Variants in CATSPERD observed in about 807,000 individuals in gnomAD.
CATSPERD encodes catsper channel auxiliary subunit delta, also known as cation channel sperm-associated auxiliary subunit delta.
CATSPERD carries 86 observed loss-of-function variants against 98.1 expected under a neutral mutation model. The ratio of observed to expected loss-of-function variants is 0.88; its 90% CI spans 0.74 to 1.05. The LOEUF is 1.05. Among genes scored for constraint, CATSPERD ranks in the 50% least tolerant of loss-of-function variants. CATSPERD has a pLI of 0.00. For missense variants in CATSPERD, 995 were observed against 1,005.7 expected (o/e 0.99, Z 0.14); for synonymous variants, 394 against 390.2 (o/e 1.01, Z -0.12).
At chr19:5,741,799 T>A (rs58406958) in intron 7 of CATSPERD, among the ~76,000 whole-genome samples, 1 of 15,472 alleles carries the variant, frequency 6.5e-5, no homozygotes, top group Non-Finnish European at 1.8e-4. Flanking sequence ...GGGGGGGGGG[T>A]GGTGTGGATC....
chr19:5,778,237 G>A (rs1017464104), intron 21 of CATSPERD, 139 bp from the exon 22 acceptor site: 48 of 647,972 alleles, frequency 7.4e-5, no homozygotes, highest in Non-Finnish European at 5.9e-5. Flanking sequence ...CATAGTGGAT[G>A]GAAACAGAAG....
At chr19:5,748,594 A>G (rs1316534099) in intron 10 of CATSPERD, among the ~76,000 whole-genome samples, 1 of 133,370 alleles carries the variant, frequency 7.5e-6, no homozygotes, top group Non-Finnish European at 1.5e-5. Context: ...GCACCATGGC[A>G]CTCCAGCCTG....
chr19:5,748,545 C>G (rs2056140161), intron 10 of CATSPERD, among the ~76,000 whole-genome samples: 1 of 147,718 alleles, frequency 6.8e-6, no homozygotes, highest in African/African-American at 2.5e-5. Context: ...GCAGGAGAAT[C>G]GCTGGAACCC....
rs1200443946 is a variant in CATSPERD at position 5,758,057 on chromosome 19, G to A, written c.1368+125G>A. ...ATAGCCCGTGGCCGTGCCCCGCGGT[G>A]GGAAGATGATCAGGCAGCCGTCAAC... On this transcript the variant is annotated intron_variant, in intron 14 of 21. Transcript: ENST00000381624. The A allele has an allele frequency of 1.8e-5, 13 of 707,960 alleles. No individual in the cohort carries two copies. The East Asian group carries it at 4.0e-4, about 22-fold the overall frequency. 43.9% of individuals were successfully genotyped at this position (707,960 alleles called of 1,614,324 possible).
In CATSPERD at chr19:5,751,642, C is replaced by T; in HGVS notation, c.988-5C>T. ...ATTAGATCTCAGGAATCATTTTCTT[C>T]TTAGTTTGCAGACCAATACATCTGG... On this transcript the variant is annotated splice_polypyrimidine_tract_variant and splice_region_variant and intron_variant, in intron 11 of 21. Transcript: ENST00000381624. 1 of 1,438,380 alleles carries T rather than the reference C, an allele frequency of 7.0e-7. No homozygotes were observed. The highest frequency in any genetic ancestry group is 1.3e-5 in the South Asian group (1 of 75,374). 89.1% of individuals were successfully genotyped at this position (1,438,380 alleles called of 1,614,324 possible). A position where few individuals can be genotyped will look rare whatever the true frequency, so the allele number is the denominator to read the frequency against.
chr19:5,752,039 G>A (rs558456140), intron 12 of CATSPERD, among the ~76,000 whole-genome samples: 2 of 151,978 alleles, frequency 1.3e-5, no homozygotes, highest in Admixed American at 6.6e-5. Context: ...GGCCAGGTAC[G>A]GTGGGAGACT....
intron 5 of CATSPERD, 124 bp downstream of exon 5, chr19:5,734,094 C>T (rs933167213): frequency 4.9e-6 from 3 of 612,610 alleles, no homozygotes; most frequent in Admixed American, 6.9e-5. Context: ...TTACTTTGTC[C>T]TTTCCAACCA....
At chr19:5,746,769 C>T (rs904449406) in intron 9 of CATSPERD, among the ~76,000 whole-genome samples, 6 of 151,620 alleles carry the variant, frequency 4.0e-5, no homozygotes, top group African/African-American at 1.5e-4. Context: ...TGGTTGTATT[C>T]CTGGGAGACT....
At chr19:5,733,016 T>G (rs1304785281) in intron 4 of CATSPERD, among the ~76,000 whole-genome samples, 3 of 151,454 alleles carry the variant, frequency 2.0e-5, no homozygotes, top group Non-Finnish European at 2.9e-5. Flanking sequence ...TCTTTTTTTT[T>G]TCAAGACGGA....
chr19:5,749,951 A>C lies in CATSPERD; in HGVS notation c.987+768A>C, dbSNP rs956669662. On this transcript the variant is annotated intron_variant, in intron 11 of 21. Coordinates refer to ENST00000381624, the MANE Select transcript of CATSPERD (RefSeq NM_152784.4). ...CCCGAGTAGCTGGGATTACAGGCGC[A>C]TGCCACCACACCAGGCTAAGTTTTG... 5.3e-5 allele frequency among the ~76,000 whole-genome samples: 8 copies of C among 150,922 alleles called. No homozygotes were observed. The East Asian group carries it at 1.2e-3, about 23-fold the overall frequency.
In CATSPERD at chr19:5,745,931, G is replaced by C. The variant is rs2056084125; in HGVS notation, c.676G>C (p.Asp226His). 6.2e-7 allele frequency: 1 copy of C among 1,613,982 alleles called. No homozygotes were observed. The highest frequency in any genetic ancestry group is 1.3e-5 in the African/African-American group (1 of 74,916). The change falls in exon 9 of 22, where the codon GAT becomes CAT. Residue 226 changes from aspartate (D) to histidine (H), a missense_variant. Asp to His is a moderately conservative substitution (Grantham distance 81, BLOSUM62 -1). Around this residue, in one of 3 missense-constraint regions of CATSPERD, gnomAD observed 762 missense variants for 773.7 expected, o/e 0.98. Transcript: ENST00000381624. ...CTCCCAGGGCATGTTCAAGTACTCA[G>C]ATCACCCCCTCAACCGGAGTTTCGG... ...NQGKGMFKYS[D>H]HPLNRSFGLS...
intron 4 of CATSPERD, among the ~76,000 whole-genome samples, chr19:5,731,217 C>T (rs149452241): frequency 2.6e-5 from 4 of 152,044 alleles, no homozygotes; most frequent in South Asian, 2.1e-4. Flanking sequence ...TGGTGGTTCA[C>T]GCCTGTAACC....
chr19:5,722,338 G>A (rs1224500315), intron 1 of CATSPERD, among the ~76,000 whole-genome samples: 1 of 152,026 alleles, frequency 6.6e-6, no homozygotes, highest in Non-Finnish European at 1.5e-5. Flanking sequence ...GCCCAGGTTG[G>A]TCTCGAACTC....
chr19:5,755,502 G>T (rs1388426431), intron 13 of CATSPERD, among the ~76,000 whole-genome samples: 2 of 152,130 alleles, frequency 1.3e-5, no homozygotes, highest in Non-Finnish European at 2.9e-5. Flanking sequence ...GGGCGCGGTG[G>T]CTCCCGCCCG....
At chr19:5,741,793 G>GGGGGGGGGGGGGGGGGGGGGGA (rs2055973509) in intron 7 of CATSPERD, among the ~76,000 whole-genome samples, 1 of 96,054 alleles carries the variant, frequency 1.0e-5, no homozygotes, top group Non-Finnish European at 2.4e-5. Flanking sequence ...GGCGGGGGGG[G>GGGGGGGGGGGGGGGGGGGGGGA]GGGGGTGGTG....
intron 7 of CATSPERD, among the ~76,000 whole-genome samples, chr19:5,743,705 T>TCTGTCC (rs2056041724): frequency 7.0e-6 from 1 of 142,184 alleles, no homozygotes; most frequent in African/African-American, 2.6e-5. Context: ...TCTCTCTCTC[T>TCTGTCC]CTGTCTCTGT....
intron 13 of CATSPERD, among the ~76,000 whole-genome samples, chr19:5,756,212 T>C (rs1205657274): frequency 9.9e-5 from 15 of 150,990 alleles, no homozygotes; most frequent in Admixed American, 7.3e-4. Flanking sequence ...ATCTGGGAGG[T>C]GGAGGTTGCA....
intron 7 of CATSPERD, among the ~76,000 whole-genome samples, chr19:5,743,392 G>GT (rs1472088023): frequency 6.6e-6 from 1 of 152,032 alleles, no homozygotes; most frequent in Non-Finnish European, 1.5e-5. Flanking sequence ...GAGGTCAGGA[G>GT]TTTGAGACCA....
At chr19:5,768,925 A>G (rs2056594545) in intron 18 of CATSPERD, among the ~76,000 whole-genome samples, 1 of 151,894 alleles carries the variant, frequency 6.6e-6, no homozygotes, top group South Asian at 2.1e-4. Context: ...CTGCCGAGGT[A>G]GGCGGATCAC....
Sources: allele counts gnomAD v4.1 joint callset (sites outside exome capture counted in the v4.1 genomes callset), GRCh38; gene constraint gnomAD v4.1.1; regional missense constraint gnomAD v4.1.1; transcripts MANE v1.5; gene names NCBI Gene and HGNC (gene_info 2026-07-23, HGNC 2026-07-21).